Variants in TPRG1 observed in about 807,000 individuals in gnomAD.
The protein encoded by TPRG1 is tumor protein p63 regulated 1, also known as tumor protein p63-regulated gene 1 protein.
A neutral mutation model predicts 29.3 loss-of-function variants in TPRG1; 29 were observed. That is an observed-to-expected ratio of 0.99 (90% CI 0.74 to 1.35). The LOEUF (loss-of-function observed/expected upper bound fraction) is 1.35. Among genes scored for constraint, TPRG1 ranks in the 40% most tolerant of loss-of-function variants. The pLI is 0.00. For synonymous variants in TPRG1, 130 were observed against 116.8 expected (o/e 1.11, Z -0.73); for missense variants, 327 against 335.0 (o/e 0.98, Z 0.19).
chr3:189,268,588 C>T (rs911642960), intron 4 of TPRG1, among the ~76,000 whole-genome samples: 1 of 152,186 alleles, frequency 6.6e-6, no homozygotes, highest in Admixed American at 6.5e-5. Flanking sequence ...TTATCCTGTA[C>T]TCACTATGAT....
intron 4 of TPRG1, among the ~76,000 whole-genome samples, chr3:189,070,921 A>G (rs1360499967): frequency 3.3e-5 from 5 of 152,102 alleles, no homozygotes; most frequent in African/African-American, 1.2e-4. Flanking sequence ...CTGAGGGTTG[A>G]GGGGATGAAG....
At chr3:189,241,767 G>A (rs1470703457) in intron 4 of TPRG1, among the ~76,000 whole-genome samples, 1 of 152,098 alleles carries the variant, frequency 6.6e-6, no homozygotes, top group Non-Finnish European at 1.5e-5. Flanking sequence ...GATTTGATGA[G>A]TTTATTACGG....
At chr3:189,089,945 T>C (rs954572714) in intron 4 of TPRG1, among the ~76,000 whole-genome samples, 1 of 152,210 alleles carries the variant, frequency 6.6e-6, no homozygotes, top group African/African-American at 2.4e-5. Flanking sequence ...ATAATTAGTC[T>C]TTTCAAGGAA....
chr3:189,301,298 C>CAA (rs10618021), intron 4 of TPRG1, among the ~76,000 whole-genome samples: 35 of 43,600 alleles, frequency 8.0e-4, no homozygotes, highest in East Asian at 2.2e-3. Flanking sequence ...GACTCCATCT[C>CAA]AAAAAAAAAA....
intron 4 of TPRG1, among the ~76,000 whole-genome samples, chr3:189,042,376 T>C (rs1714690117): frequency 6.6e-6 from 1 of 152,196 alleles, no homozygotes; most frequent in Non-Finnish European, 1.5e-5. Flanking sequence ...ATAAGCTTTA[T>C]GTCAGAGGTG....
In TPRG1 at chr3:189,274,316, C is replaced by T. The variant is rs944635548; in HGVS notation, c.479+35407C>T. ...CTATCATTGGAGGGAAATCTCTTAACGATGGAATATGCAATCTAGTCTCTA... is the reference window on the plus strand; with the variant it reads ...CTATCATTGGAGGGAAATCTCTTAATGATGGAATATGCAATCTAGTCTCTA... On this transcript the variant is annotated intron_variant, in intron 4 of 5. Coordinates refer to ENST00000345063, the MANE Select transcript of TPRG1 (RefSeq NM_198485.4). Among the ~76,000 whole-genome samples, 5 of 152,138 alleles carry T rather than the reference C, an allele frequency of 3.3e-5. No homozygotes were observed. In the East Asian group the frequency reaches 5.8e-4, roughly 18 times the overall value.
chr3:189,238,941 T>C (rs1740023086), intron 4 of TPRG1, 32 bp downstream of exon 4: 1 of 1,547,406 alleles, frequency 6.5e-7, no homozygotes, highest in Non-Finnish European at 8.8e-7. Flanking sequence ...GAAGAAGTGG[T>C]GCAGCAGGGA....
chr3:189,243,234 C>T (rs1050083868), intron 4 of TPRG1, among the ~76,000 whole-genome samples: 9 of 152,038 alleles, frequency 5.9e-5, no homozygotes, highest in African/African-American at 2.2e-4. Context: ...GGAGCAGGAG[C>T]AAGAGAGAGA....
At position 189,125,463 on chromosome 3, in the gene TPRG1, T is replaced by A. The variant is rs2884939; in HGVS notation, c.-743-1594T>A. 8.2e-3 allele frequency among the ~76,000 whole-genome samples: 1,252 copies of A among 152,324 alleles called. 12 individuals are homozygous for A. The highest frequency in any genetic ancestry group is 0.051 in the Middle Eastern group (15 of 294). ...CCTGGGCCTGTCAGACCATATGATC[T>A]TCTTCCAGGGTTGTCTGTTTATAGC... On this transcript the variant is annotated intron_variant, in intron 1 of 6. Transcript: ENST00000412373.
At chr3:189,249,379 C>G (rs187877281) in intron 4 of TPRG1, among the ~76,000 whole-genome samples, 1 of 151,802 alleles carries the variant, frequency 6.6e-6, no homozygotes, top group Non-Finnish European at 1.5e-5. Flanking sequence ...TATTGCAACC[C>G]TTACATTCTT....
At chr3:189,055,996 G>T (rs999642830) in intron 4 of TPRG1, among the ~76,000 whole-genome samples, 4 of 150,354 alleles carry the variant, frequency 2.7e-5, no homozygotes, top group African/African-American at 9.9e-5. Context: ...CCTCTTGTAT[G>T]AGGATCTCTC....
chr3:189,250,513 C>CCCACCCCG (rs1553931577), intron 4 of TPRG1, among the ~76,000 whole-genome samples: 1 of 88,738 alleles, frequency 1.1e-5, no homozygotes, highest in African/African-American at 4.8e-5. Context: ...CGCCCCCCCC[C>CCCACCCCG]CCCCACCCAG....
At chr3:189,225,747 G>A (rs116624525) in intron 3 of TPRG1, among the ~76,000 whole-genome samples, 1,683 of 152,234 alleles carry the variant, frequency 0.011, 30 homozygotes, top group African/African-American at 0.039. Flanking sequence ...AGAAGAGCAC[G>A]TAGAGCAAGA....
chr3:189,174,508 A>G (rs1729227450), intron 1 of TPRG1, among the ~76,000 whole-genome samples: 1 of 152,116 alleles, frequency 6.6e-6, no homozygotes, highest in Non-Finnish European at 1.5e-5. Context: ...ATCTCTTCCA[A>G]TCTCTTAGGT....
Position 189,320,783 on chromosome 3 carries a change from T to G in TPRG1, c.791T>G (p.Leu264Arg), listed in dbSNP as rs767410205. The G allele has an allele frequency of 3.7e-6, 6 of 1,607,956 alleles. No homozygotes were observed. Among genetic ancestry groups the G allele is most frequent in the Non-Finnish European group, 4.2e-6 (5 of 1,177,378 alleles). The change falls in exon 6 of 6, where the codon CTT becomes CGT. Residue 264 changes from leucine (L) to arginine (R), a missense_variant. Physicochemically the swap from Leu to Arg is moderately radical, Grantham distance 102 (BLOSUM62 -2). Coordinates refer to ENST00000345063, the MANE Select transcript of TPRG1 (RefSeq NM_198485.4). ...TCATTCATTGGAAACCGCAACAAACTTGGCTATTCCCTTGCCCGTGGGAGT... is the reference window on the plus strand; with the variant it reads ...TCATTCATTGGAAACCGCAACAAACGTGGCTATTCCCTTGCCCGTGGGAGT... ...LMSFIGNRNKLGYSLARGSIG... is the reference protein window; with the variant it reads ...LMSFIGNRNKRGYSLARGSIG...
chr3:189,186,985 G>GTTTTTTTTTTTTTT, intron 1 of TPRG1, among the ~76,000 whole-genome samples: 1 of 88,956 alleles, frequency 1.1e-5, no homozygotes, highest in Non-Finnish European at 2.1e-5. Flanking sequence ...CATCTAAAGT[G>GTTTTTTTTTTTTTT]TTTTTTTTTT....
chr3:189,306,305 T>C (rs576516944), intron 4 of TPRG1, among the ~76,000 whole-genome samples: 5 of 152,292 alleles, frequency 3.3e-5, no homozygotes, highest in Admixed American at 3.3e-4. Flanking sequence ...ATTGAAGAGC[T>C]TATTTAAGCT....
chr3:189,161,249 G>A (rs1384161744), intron 5 of TPRG1, among the ~76,000 whole-genome samples: 1 of 152,176 alleles, frequency 6.6e-6, no homozygotes, highest in Non-Finnish European at 1.5e-5. Context: ...GAACAGGCAA[G>A]GCCTCTCTCA....
intron 1 of TPRG1, among the ~76,000 whole-genome samples, chr3:189,181,203 A>G (rs887742638): frequency 2.0e-5 from 3 of 152,280 alleles, no homozygotes; most frequent in African/African-American, 7.2e-5. Context: ...AGGGGCTGCT[A>G]TGAAGACCTC....
Sources: gnomAD v4.1 joint callset for allele counts (sites outside exome capture counted in the v4.1 genomes callset) on GRCh38, gnomAD v4.1.1 for gene constraint, MANE v1.5 for transcripts, NCBI Gene and HGNC (gene_info 2026-07-23, HGNC 2026-07-21) for gene names.